LSMEM1: variants seen among roughly 807,000 people sequenced by gnomAD.
LSMEM1 encodes leucine-rich single-pass membrane protein 1.
In LSMEM1, 10 loss-of-function variants were observed where a neutral mutation model predicts 11.3. That is an observed-to-expected ratio of 0.89 (90% CI 0.55 to 1.50). LSMEM1 has a LOEUF of 1.50. LSMEM1 is among the 40% of genes most tolerant of loss of function. The pLI is 0.00. For synonymous variants in LSMEM1, 65 were observed against 59.3 expected (o/e 1.10, Z -0.44); for missense variants, 151 against 152.9 (o/e 0.99, Z 0.06).
In LSMEM1 at chr7:112,490,036, C is replaced by G; in HGVS notation, c.*87C>G. ...CAGGGTTAGGAACTGAGAAAGTGCA[C>G]TTCCTCAGGCAACAGATGATCTGGT... On this transcript the variant is annotated 3_prime_UTR_variant, in exon 4 of 4. Coordinates refer to ENST00000312849, the MANE Select transcript of LSMEM1 (RefSeq NM_182597.3). The G allele has an allele frequency of 1.4e-6, 2 of 1,436,856 alleles. No homozygotes were observed. Among genetic ancestry groups the G allele is most frequent in the Non-Finnish European group, 1.9e-6 (2 of 1,072,104 alleles). The allele number at this position is 1,436,856 out of a possible 1,614,324, so 89.0% of individuals were successfully genotyped here.
chr7:112,483,071 A>G (rs1330613129), intron 1 of LSMEM1, among the ~76,000 whole-genome samples: 1 of 151,308 alleles, frequency 6.6e-6, no homozygotes, highest in Non-Finnish European at 1.5e-5. Context: ...AATATTTTAG[A>G]CTAAGTTTAA....
chr7:112,480,971 C>T, upstream of LSMEM1: 2 of 446,452 alleles, frequency 4.5e-6, no homozygotes, highest in South Asian at 1.6e-5. Flanking sequence ...TTGCTTCAGC[C>T]AGATAAGGAC....
At chr7:112,484,429 A>G (rs1332547022) in intron 1 of LSMEM1, among the ~76,000 whole-genome samples, 2 of 152,226 alleles carry the variant, frequency 1.3e-5, no homozygotes, top group Non-Finnish European at 2.9e-5. Flanking sequence ...CAGAATGTGA[A>G]CAATGTAATA....
chr7:112,480,626 AAGG>A (rs1796013404), upstream of LSMEM1, among the ~76,000 whole-genome samples: 1 of 152,180 alleles, frequency 6.6e-6, no homozygotes, highest in South Asian at 2.1e-4. Context: ...ATTCCTGAGA[AAGG>A]AGGATGTGCA....
intron 3 of LSMEM1, 42 bp from the exon 4 acceptor site, chr7:112,489,768 C>T: frequency 1.3e-6 from 2 of 1,582,460 alleles, no homozygotes; most frequent in Non-Finnish European, 1.7e-6. Flanking sequence ...CAGTGGAACA[C>T]AGTGGAAACC....
chr7:112,485,528 A>G (rs1181421360), intron 2 of LSMEM1, among the ~76,000 whole-genome samples: 1 of 152,196 alleles, frequency 6.6e-6, no homozygotes, highest in African/African-American at 2.4e-5. Flanking sequence ...TTCAAACACC[A>G]GTGTTAATTG....
chr7:112,488,836 A>T (rs539339033), intron 3 of LSMEM1, among the ~76,000 whole-genome samples: 1 of 152,298 alleles, frequency 6.6e-6, no homozygotes, highest in Non-Finnish European at 1.5e-5. Context: ...ACCTCAGGTG[A>T]TCCTCCCGCC....
intron 1 of LSMEM1, among the ~76,000 whole-genome samples, chr7:112,484,454 A>G (rs983098727): frequency 6.6e-6 from 1 of 152,230 alleles, no homozygotes; most frequent in Non-Finnish European, 1.5e-5. Context: ...AAAAATTTTA[A>G]AATTAGTTAC....
chr7:112,485,004 C>T, intron 2 of LSMEM1, 61 bp downstream of exon 2: 1 of 1,519,434 alleles, frequency 6.6e-7, no homozygotes, highest in South Asian at 1.2e-5. Context: ...TAAAAATAGC[C>T]ACTGCTGACT....
rs1429273038 is a variant in LSMEM1 at position 112,484,939 on chromosome 7, G to C, written c.123G>C (p.Leu41=). 6.2e-6 allele frequency: 10 copies of C among 1,609,956 alleles called. No homozygotes were observed. The highest frequency in any genetic ancestry group is 8.5e-6 in the Non-Finnish European group (10 of 1,177,372). The change falls in exon 2 of 4, where the codon CTG becomes CTC. Residue 41 remains leucine (L), a synonymous_variant. Transcript: ENST00000312849. ...TCTGTCCAGCCGGATCGCAGCATCT[G>C]TTCCGTATGTGTGCTGGGGAAGGCA... The part of the protein sequence containing the change: ...LNLCPAGSQH[L]FPLEDKIPVL...
intron 3 of LSMEM1, among the ~76,000 whole-genome samples, chr7:112,488,474 G>A (rs1033896420): frequency 5.9e-5 from 9 of 152,152 alleles, no homozygotes; most frequent in Admixed American, 5.9e-4. Context: ...TAGCAAGATT[G>A]AGGGAAATAA....
chr7:112,485,859 C>G (rs1290659476), intron 2 of LSMEM1, among the ~76,000 whole-genome samples: 1 of 151,500 alleles, frequency 6.6e-6, no homozygotes, highest in Admixed American at 6.6e-5. Flanking sequence ...GGAGAGTATG[C>G]AAAAAGTAAT....
Position 112,486,999 on chromosome 7 carries a change from A to T in LSMEM1, c.204A>T (p.Leu68=). ...GGAGTCTGTTTTTTGTGGGGCTGCT[A>T]ATTGTGCTGATTGTCAGCCTGGCAC... The part of the protein sequence containing the change: ...GSRSLFFVGL[L]IVLIVSLALV... The change falls in exon 3 of 4, where the codon CTA becomes CTT. Residue 68 remains leucine, a synonymous_variant. Coordinates refer to ENST00000312849, the MANE Select transcript of LSMEM1 (RefSeq NM_182597.3). 1.2e-6 allele frequency: 2 copies of T among 1,614,126 alleles called. No homozygotes were observed. Among genetic ancestry groups the T allele is most frequent in the Non-Finnish European group, 1.7e-6 (2 of 1,180,020 alleles).
chr7:112,484,525 G>A (rs1424948905), intron 1 of LSMEM1, among the ~76,000 whole-genome samples: 3 of 152,216 alleles, frequency 2.0e-5, no homozygotes, highest in Non-Finnish European at 2.9e-5. Context: ...GAGGAGAAAA[G>A]AGTGTTTGCA....
rs532486863 is a variant in LSMEM1, at chr7:112,487,145, A to G, written c.256+94A>G. ...CCACAAAGTTTGCACCCTCCAGTCAATGCTTCCTGGTCATCAATGCTTACA... is the reference window on the plus strand; with the variant it reads ...CCACAAAGTTTGCACCCTCCAGTCAGTGCTTCCTGGTCATCAATGCTTACA... On this transcript the variant is annotated intron_variant, in intron 3 of 3. Transcript: ENST00000312849. 1.6e-4 allele frequency: 218 copies of G among 1,383,820 alleles called. 1 individual carries two copies. Among genetic ancestry groups the G allele is most frequent in the Non-Finnish European group, 1.8e-4 (180 of 1,000,044 alleles). The allele number at this position is 1,383,820 out of a possible 1,614,324, so 85.7% of individuals were successfully genotyped here. A position where few individuals can be genotyped will look rare whatever the true frequency, so the allele number is the denominator to read the frequency against.
At chr7:112,489,567 T>C (rs571640350) in intron 3 of LSMEM1, among the ~76,000 whole-genome samples, 1 of 152,358 alleles carries the variant, frequency 6.6e-6, no homozygotes, top group African/African-American at 2.4e-5. Context: ...TTAGCCATAA[T>C]TGGTGTGAAG....
At chr7:112,485,446 G>A (rs1796110293) in intron 2 of LSMEM1, among the ~76,000 whole-genome samples, 1 of 152,152 alleles carries the variant, frequency 6.6e-6, no homozygotes, top group Non-Finnish European at 1.5e-5. Flanking sequence ...TGTGTATCTT[G>A]CCTCCTAAAT....
chr7:112,486,267 G>T (rs1002059271), intron 2 of LSMEM1: 4 of 354,214 alleles, frequency 1.1e-5, no homozygotes, highest in Admixed American at 3.1e-5. Flanking sequence ...CTTTGGGAAA[G>T]GGTAATAGAA....
intron 1 of LSMEM1, among the ~76,000 whole-genome samples, chr7:112,482,544 T>C (rs1796051125): frequency 1.3e-5 from 2 of 152,232 alleles, no homozygotes; most frequent in Admixed American, 1.3e-4. Context: ...TGCAGAACAG[T>C]GGTCCTGTGA....
Sources: gnomAD v4.1 joint callset for allele counts (sites outside exome capture counted in the v4.1 genomes callset) on GRCh38, gnomAD v4.1.1 for gene constraint, MANE v1.5 for transcripts, NCBI Gene and HGNC (gene_info 2026-07-23, HGNC 2026-07-21) for gene names.